DOCK1: variants seen among roughly 807,000 people sequenced by gnomAD.
DOCK1 encodes the protein dedicator of cytokinesis 1.
In DOCK1, 138 loss-of-function variants were observed where a neutral mutation model predicts 262.7. That is an observed-to-expected ratio of 0.53 (90% CI 0.46 to 0.61). DOCK1 has a LOEUF of 0.61. DOCK1 is among the 20% of genes least tolerant of loss of function. The pLI is 0.00. For synonymous variants in DOCK1, 866 were observed against 867.4 expected (o/e 1.00, Z 0.03); for missense variants, 1,908 against 2,370.7 (o/e 0.80, Z 4.05).
chr10:127,269,855 A>T (rs956059485), intron 29 of DOCK1, among the ~76,000 whole-genome samples: 1 of 152,258 alleles, frequency 6.6e-6, no homozygotes, highest in African/African-American at 2.4e-5. Flanking sequence ...CCCACCACCC[A>T]TGCAGTCCTT....
At chr10:127,152,789 G>T (rs960610319) in intron 27 of DOCK1, among the ~76,000 whole-genome samples, 1 of 152,196 alleles carries the variant, frequency 6.6e-6, no homozygotes, top group Non-Finnish European at 1.5e-5. Context: ...GTGGCCTTCG[G>T]TGCCTATCTC....
intron 21 of DOCK1, among the ~76,000 whole-genome samples, chr10:127,046,399 C>G (rs1403228956): frequency 6.6e-6 from 1 of 152,148 alleles, no homozygotes; most frequent in Non-Finnish European, 1.5e-5. Flanking sequence ...TCAGGGCTCC[C>G]TACTAGAGCT....
At chr10:126,919,078 A>C (rs1408062538) in intron 1 of DOCK1, among the ~76,000 whole-genome samples, 1 of 152,096 alleles carries the variant, frequency 6.6e-6, no homozygotes. Flanking sequence ...GACAAACATG[A>C]GTTTCTCTTG....
chr10:127,191,364 A>C (rs1482668159), intron 27 of DOCK1, among the ~76,000 whole-genome samples: 2 of 152,130 alleles, frequency 1.3e-5, no homozygotes, highest in African/African-American at 2.4e-5. Context: ...AGCTCAGTAC[A>C]TATCCACAAA....
intron 12 of DOCK1, among the ~76,000 whole-genome samples, chr10:127,015,353 C>T (rs986206953): frequency 2.6e-5 from 4 of 152,088 alleles, no homozygotes; most frequent in Non-Finnish European, 5.9e-5. Flanking sequence ...GCGCCCCCGC[C>T]CCCTCTGCCC....
chr10:127,039,542 C>T (rs780716313), intron 19 of DOCK1, among the ~76,000 whole-genome samples: 25 of 152,142 alleles, frequency 1.6e-4, no homozygotes, highest in East Asian at 1.9e-4. Flanking sequence ...GCTGGTACCA[C>T]GCAAGCCTGG....
At chr10:127,119,795 A>G (rs1433511014) in intron 25 of DOCK1, among the ~76,000 whole-genome samples, 2 of 152,232 alleles carry the variant, frequency 1.3e-5, no homozygotes, top group Non-Finnish European at 2.9e-5. Flanking sequence ...TTTTCAATGG[A>G]CAAATTCATT....
intron 27 of DOCK1, among the ~76,000 whole-genome samples, chr10:127,244,136 G>T (rs1209093652): frequency 6.6e-6 from 1 of 151,818 alleles, no homozygotes; most frequent in African/African-American, 2.4e-5. Flanking sequence ...CCCCAGTTCA[G>T]CTTGAACTTC....
chr10:127,074,400 T>G (rs1290817825), intron 23 of DOCK1, among the ~76,000 whole-genome samples: 1 of 152,210 alleles, frequency 6.6e-6, no homozygotes, highest in Non-Finnish European at 1.5e-5. Flanking sequence ...TCAAGTCAGA[T>G]TTTAAATTTG....
At chr10:127,388,822 G>C (rs1336914104) in intron 38 of DOCK1, among the ~76,000 whole-genome samples, 1 of 152,198 alleles carries the variant, frequency 6.6e-6, no homozygotes, top group Non-Finnish European at 1.5e-5. Flanking sequence ...CTTAGGGGCA[G>C]GTGAGTGTGA....
At chr10:127,364,303 C>T (rs1590710287) in intron 33 of DOCK1, among the ~76,000 whole-genome samples, 1 of 152,220 alleles carries the variant, frequency 6.6e-6, no homozygotes, top group Admixed American at 6.5e-5. Flanking sequence ...TGCAGAGGAG[C>T]CTAACACCTG....
intron 29 of DOCK1, among the ~76,000 whole-genome samples, chr10:127,285,516 G>T: frequency 6.6e-6 from 1 of 152,200 alleles, no homozygotes; most frequent in East Asian, 1.9e-4. Context: ...TTGGCAGTGG[G>T]GCTGATACTT....
At chr10:126,932,773 C>T (rs2034280812) in intron 1 of DOCK1, among the ~76,000 whole-genome samples, 2 of 152,058 alleles carry the variant, frequency 1.3e-5, no homozygotes, top group Non-Finnish European at 1.5e-5. Context: ...CAGGCGACTG[C>T]AGAATATCTC....
chr10:126,959,312 A>G (rs2037006309), intron 1 of DOCK1, among the ~76,000 whole-genome samples: 1 of 152,238 alleles, frequency 6.6e-6, no homozygotes, highest in African/African-American at 2.4e-5. Context: ...CCCACAAAAC[A>G]GCTTTGCAGG....
At chr10:126,989,664 T>A (rs2134989414) in intron 5 of DOCK1, among the ~76,000 whole-genome samples, 1 of 152,330 alleles carries the variant, frequency 6.6e-6, no homozygotes, top group Non-Finnish European at 1.5e-5. Context: ...CACCTAAATT[T>A]CTTTTCATGG....
At chr10:127,445,353 C>G (rs953305160) in intron 50 of DOCK1, among the ~76,000 whole-genome samples, 1 of 152,158 alleles carries the variant, frequency 6.6e-6, no homozygotes, top group Admixed American at 6.5e-5. Context: ...CCTGATTTTC[C>G]TCTTGCTGAA....
intron 51 of DOCK1, 73 bp downstream of exon 51, chr10:127,447,618 A>C: frequency 6.4e-7 from 1 of 1,562,850 alleles, no homozygotes; most frequent in Non-Finnish European, 8.7e-7. Context: ...CTCATTCCAG[A>C]TACTAGCAGG....
chr10:127,087,375 G>A (rs577969283), intron 23 of DOCK1, among the ~76,000 whole-genome samples: 36 of 152,202 alleles, frequency 2.4e-4, no homozygotes, highest in African/African-American at 8.2e-4. Context: ...ACCTAGTTTT[G>A]ACTGAGTCAC....
intron 29 of DOCK1, among the ~76,000 whole-genome samples, chr10:127,320,564 G>A (rs1285218084): frequency 6.6e-6 from 1 of 152,202 alleles, no homozygotes; most frequent in East Asian, 1.9e-4. Context: ...GCAGTGTGAG[G>A]AATGGGCTCA....
Sources: allele counts gnomAD v4.1 joint callset (sites outside exome capture counted in the v4.1 genomes callset), GRCh38; gene constraint gnomAD v4.1.1; transcripts MANE v1.5; gene names NCBI Gene and HGNC (gene_info 2026-07-23, HGNC 2026-07-21).